The following TTC27 variants were observed in gnomAD, a reference collection of about 807,000 sequenced individuals.
TTC27 encodes the protein tetratricopeptide repeat protein 27.
In TTC27, 79 loss-of-function variants were observed where a neutral mutation model predicts 115.9. The observed-to-expected ratio is 0.68, with a 90% CI of 0.57 to 0.82. TTC27 has a LOEUF of 0.82. Ranked by LOEUF, TTC27 falls within the 40% of genes least tolerant of loss-of-function variation. TTC27 has a pLI of 0.00. For missense variants in TTC27, 1,054 were observed against 993.1 expected (o/e 1.06, Z -0.82); for synonymous variants, 401 against 356.0 (o/e 1.13, Z -1.42).
At chr2:32,659,324 T>A (rs1665447064) in intron 5 of TTC27, among the ~76,000 whole-genome samples, 2 of 151,272 alleles carry the variant, frequency 1.3e-5, no homozygotes, top group South Asian at 2.1e-4. Context: ...TGTAAACTGA[T>A]ATCGTCTTCA....
intron 10 of TTC27, among the ~76,000 whole-genome samples, chr2:32,705,523 T>C (rs1317195519): frequency 6.8e-6 from 1 of 146,584 alleles, no homozygotes. Context: ...GAGGAGGTTT[T>C]AGCATTTTAA....
At chr2:32,781,793 A>G (rs1228306111) in intron 14 of TTC27, among the ~76,000 whole-genome samples, 3 of 152,192 alleles carry the variant, frequency 2.0e-5, no homozygotes, top group African/African-American at 7.2e-5. Flanking sequence ...ATTGAATTTA[A>G]TGCCATGGGC....
chr2:32,820,746 C>G, intron 19 of TTC27, 70 bp from the exon 20 acceptor site: 4 of 1,401,452 alleles, frequency 2.9e-6, no homozygotes, highest in Non-Finnish European at 3.8e-6. Flanking sequence ...TAACTCTATA[C>G]TCTGTATCTA....
At chr2:32,781,829 C>T (rs1336633982) in intron 14 of TTC27, among the ~76,000 whole-genome samples, 4 of 152,308 alleles carry the variant, frequency 2.6e-5, no homozygotes, top group Middle Eastern at 6.8e-3. Context: ...TCCAGTTTTG[C>T]TAGTTTAGAA....
intron 15 of TTC27, among the ~76,000 whole-genome samples, chr2:32,784,293 C>T (rs1035644398): frequency 2.6e-5 from 4 of 152,182 alleles, no homozygotes; most frequent in African/African-American, 9.7e-5. Context: ...AATAGGTTTT[C>T]ATGCAAAGGT....
At chr2:32,757,421 T>C (rs1351533296) in intron 12 of TTC27, among the ~76,000 whole-genome samples, 1 of 152,170 alleles carries the variant, frequency 6.6e-6, no homozygotes, top group Non-Finnish European at 1.5e-5. Flanking sequence ...TCCCCTTTTA[T>C]TCCTTGTTCC....
intron 8 of TTC27, among the ~76,000 whole-genome samples, chr2:32,677,029 T>C (rs1189843538): frequency 6.6e-6 from 1 of 152,084 alleles, no homozygotes; most frequent in Non-Finnish European, 1.5e-5. Flanking sequence ...CTGAATCTAA[T>C]GTTTGTCATT....
At chr2:32,799,629 C>T (rs947816302) in intron 16 of TTC27, among the ~76,000 whole-genome samples, 1 of 152,036 alleles carries the variant, frequency 6.6e-6, no homozygotes, top group African/African-American at 2.4e-5. Context: ...TTTATGATCA[C>T]ATTTAAAAAT....
At position 32,812,557 on chromosome 2, in the gene TTC27, G is replaced by C. The variant is rs1307490700; in HGVS notation, c.2250G>C (p.Trp750Cys). ...AGTGTGACACCCAGTCCAATTGTTG[G>C]GAGAAAGATATTACATCATTTAAGG... ...AYKCDTQSNC[W>C]EKDITSFKEV... Residue 750 changes from tryptophan (W) to cysteine (C), a missense_variant, in exon 18 of 20, where the codon TGG becomes TGC. By Grantham distance (215) the Trp-to-Cys change is radical (BLOSUM62 -2). Transcript: ENST00000317907. 1 of 1,614,036 alleles carries C rather than the reference G, an allele frequency of 6.2e-7. No homozygotes were observed. Among genetic ancestry groups the C allele is most frequent in the South Asian group, 1.1e-5 (1 of 91,064 alleles).
intron 10 of TTC27, among the ~76,000 whole-genome samples, chr2:32,708,134 C>G (rs1667440915): frequency 6.6e-6 from 1 of 152,104 alleles, no homozygotes. Flanking sequence ...TCTTTTGCCT[C>G]TGCCATCCAT....
At chr2:32,800,212 G>T (rs770034673) in intron 16 of TTC27, among the ~76,000 whole-genome samples, 5 of 152,224 alleles carry the variant, frequency 3.3e-5, no homozygotes, top group Non-Finnish European at 5.9e-5. Context: ...TTTTGAGACG[G>T]AGTCTCGCCC....
chr2:32,739,516 G>T (rs1161950475), intron 12 of TTC27, among the ~76,000 whole-genome samples: 2 of 152,064 alleles, frequency 1.3e-5, no homozygotes, highest in Admixed American at 1.3e-4. Flanking sequence ...TAAGAATTGT[G>T]TGTAATAATG....
chr2:32,684,375 C>T (rs1666557645), intron 9 of TTC27, among the ~76,000 whole-genome samples: 1 of 150,750 alleles, frequency 6.6e-6, no homozygotes, highest in African/African-American at 2.4e-5. Flanking sequence ...AATAATGCCG[C>T]AATAAACATA....
chr2:32,767,412 A>T (rs1473236359), intron 13 of TTC27, among the ~76,000 whole-genome samples: 1 of 151,670 alleles, frequency 6.6e-6, no homozygotes, highest in Non-Finnish European at 1.5e-5. Context: ...CCCTAAATGG[A>T]AGCCAAAAGA....
intron 12 of TTC27, among the ~76,000 whole-genome samples, chr2:32,756,596 TA>T (rs1669240190): frequency 6.6e-6 from 1 of 152,220 alleles, no homozygotes; most frequent in South Asian, 2.1e-4. Context: ...AGTCTTCTTT[TA>T]AAAGAGTTCA....
chr2:32,816,308 C>T (rs533469317), intron 18 of TTC27, among the ~76,000 whole-genome samples: 1 of 149,912 alleles, frequency 6.7e-6, no homozygotes, highest in Non-Finnish European at 1.5e-5. Flanking sequence ...CAGAGCGAGA[C>T]CTTGTCTCAA....
chr2:32,666,721 A>T lies in TTC27; in HGVS notation c.892A>T (p.Asn298Tyr). 1.2e-6 allele frequency: 2 copies of T among 1,614,086 alleles called. No homozygotes were observed. Among genetic ancestry groups the T allele is most frequent in the Non-Finnish European group, 1.7e-6 (2 of 1,179,968 alleles). The change falls in exon 7 of 20, where the codon AAT becomes TAT. Residue 298 changes from asparagine (N) to tyrosine (Y), a missense_variant. Transcript: ENST00000317907. ...DVRREGDVLS[N>Y]CEFTPAPTPQ... The stretch of plus-strand genomic sequence containing the variant: ...AAGAAGGGAAGGGGATGTCCTTTCA[A>T]ATTGTGAATTCACTCCAGCACCCAC...
Position 32,696,446 on chromosome 2 carries a change from C to T in TTC27, c.1120-6361C>T, listed in dbSNP as rs113485996. On this transcript the variant is annotated intron_variant, in intron 9 of 19. Coordinates refer to ENST00000317907, the MANE Select transcript of TTC27 (RefSeq NM_017735.5). Reference sequence around the variant, plus strand: ...CTGGGATTCCAGGTGCCCACCATCACGCCCAGCTAATTTTTTTGTGTGTTT... The same window carrying T: ...CTGGGATTCCAGGTGCCCACCATCATGCCCAGCTAATTTTTTTGTGTGTTT... 9.5e-3 allele frequency among the ~76,000 whole-genome samples: 1,441 copies of T among 151,852 alleles called. 24 individuals are homozygous for T. Among genetic ancestry groups the T allele is most frequent in the African/African-American group, 0.033 (1,359 of 41,420 alleles).
Position 32,713,239 on chromosome 2 carries a change from A to G in TTC27, c.1233+10319A>G, listed in dbSNP as rs1422677325. 2.0e-5 allele frequency among the ~76,000 whole-genome samples: 3 copies of G among 152,340 alleles called. No individual in the cohort carries two copies. In the East Asian group the frequency reaches 5.8e-4, roughly 29 times the overall value. On this transcript the variant is annotated intron_variant, in intron 10 of 19. Transcript: ENST00000317907. Reference sequence around the variant, plus strand: ...CCCAATCCTAATATTCTATTACAGCAACACAAAGGGGCTAAAACATTTTAT... The same window carrying G: ...CCCAATCCTAATATTCTATTACAGCGACACAAAGGGGCTAAAACATTTTAT...
Sources: gnomAD v4.1 joint callset for allele counts (sites outside exome capture counted in the v4.1 genomes callset) on GRCh38, gnomAD v4.1.1 for gene constraint, MANE v1.5 for transcripts, NCBI Gene and HGNC (gene_info 2026-07-23, HGNC 2026-07-21) for gene names.